The following PIGU variants were observed in gnomAD, a reference collection of about 807,000 sequenced individuals.
The protein encoded by PIGU is phosphatidylinositol glycan anchor biosynthesis class U.
Under a neutral mutation model 49.9 loss-of-function variants are expected in PIGU, and 24 were observed. That is an observed-to-expected ratio of 0.48 (90% CI 0.35 to 0.68). PIGU has a LOEUF of 0.68. Among genes scored for constraint, PIGU ranks in the 30% least tolerant of loss-of-function variants. PIGU has a pLI of 0.01. For synonymous variants in PIGU, 220 were observed against 205.7 expected, an observed-to-expected ratio of 1.07 and a Z score of -0.59; for missense variants, 490 against 532.6, an observed-to-expected ratio of 0.92 and a Z score of 0.79.
At chr20:34,616,561 C>T (rs934276346) in intron 6 of PIGU, among the ~76,000 whole-genome samples, 2 of 152,156 alleles carry the variant, frequency 1.3e-5, no homozygotes, top group African/African-American at 2.4e-5. Flanking sequence ...AACATTATCA[C>T]TCTTTACAAC....
intron 2 of PIGU, among the ~76,000 whole-genome samples, chr20:34,651,525 G>T (rs1002472350): frequency 8.0e-5 from 12 of 149,484 alleles, no homozygotes; most frequent in African/African-American, 2.0e-4. Context: ...AGCAGATGTG[G>T]TTTTTTTTTT....
At chr20:34,616,971 G>A (rs1014761756) in intron 6 of PIGU, among the ~76,000 whole-genome samples, 3 of 152,184 alleles carry the variant, frequency 2.0e-5, no homozygotes, top group Admixed American at 6.5e-5. Flanking sequence ...TTAGCCAGGC[G>A]TAGTGGTGGT....
At chr20:34,620,246 C>T (rs1384049739) in intron 6 of PIGU, among the ~76,000 whole-genome samples, 1 of 152,216 alleles carries the variant, frequency 6.6e-6, no homozygotes. Context: ...CTCTTCCACA[C>T]ACGCCCTGTC....
intron 2 of PIGU, among the ~76,000 whole-genome samples, chr20:34,652,893 T>C (rs1181074719): frequency 6.6e-6 from 1 of 152,170 alleles, no homozygotes; most frequent in African/African-American, 2.4e-5. Context: ...CTTGCAAATG[T>C]TCCGTGTACA....
At chr20:34,616,975 T>A (rs193024915) in intron 6 of PIGU, among the ~76,000 whole-genome samples, 1 of 152,266 alleles carries the variant, frequency 6.6e-6, no homozygotes, top group African/African-American at 2.4e-5. Flanking sequence ...CCAGGCGTAG[T>A]GGTGGTGACC....
chr20:34,602,823 T>C (rs1048537955), intron 7 of PIGU, among the ~76,000 whole-genome samples: 2 of 152,160 alleles, frequency 1.3e-5, no homozygotes, highest in African/African-American at 4.8e-5. Context: ...AGTTCCTCCA[T>C]GTTCCCTGAT....
intron 11 of PIGU, among the ~76,000 whole-genome samples, chr20:34,574,299 T>A (rs560592279): frequency 3.1e-4 from 47 of 152,334 alleles, no homozygotes; most frequent in African/African-American, 1.1e-3. Context: ...TATTCCACAT[T>A]GAATCAACAT....
chr20:34,603,126 G>A (rs1023080644), intron 7 of PIGU, among the ~76,000 whole-genome samples: 2 of 149,930 alleles, frequency 1.3e-5, no homozygotes, highest in Non-Finnish European at 3.0e-5. Flanking sequence ...TTCTAATTAT[G>A]TACCTTGTTT....
intron 1 of PIGU, among the ~76,000 whole-genome samples, chr20:34,671,187 G>T (rs1324393471): frequency 6.6e-6 from 1 of 152,158 alleles, no homozygotes; most frequent in Non-Finnish European, 1.5e-5. Flanking sequence ...TCAAATTAGT[G>T]CATTAACACA....
At chr20:34,608,106 G>A (rs1173361559) in intron 7 of PIGU, among the ~76,000 whole-genome samples, 1 of 125,384 alleles carries the variant, frequency 8.0e-6, no homozygotes, top group African/African-American at 3.1e-5. Flanking sequence ...CAAGAATCTT[G>A]CACTGTGGCC....
intron 7 of PIGU, among the ~76,000 whole-genome samples, chr20:34,612,725 C>G (rs1984866822): frequency 1.3e-5 from 2 of 151,264 alleles, no homozygotes; most frequent in South Asian, 4.2e-4. Flanking sequence ...CGGGTTCAAG[C>G]AATGTTCCTG....
rs947685061 is a variant in PIGU at position 34,603,906 on chromosome 20, A to G, written c.627+12136T>C. On this transcript the variant is annotated intron_variant, in intron 7 of 11. Transcript: ENST00000217446. ...CACACACACCACACCCCTACAGGGGACCAGGCAGGTAACAAACAAGTGAAG... is the reference window on the plus strand; with the variant it reads ...CACACACACCACACCCCTACAGGGGGCCAGGCAGGTAACAAACAAGTGAAG... Among the ~76,000 whole-genome samples, 5 of 148,370 alleles carry G rather than the reference A, an allele frequency of 3.4e-5. No individual in the cohort carries two copies. The South Asian group carries it at 6.3e-4, about 19-fold the overall frequency.
intron 9 of PIGU, among the ~76,000 whole-genome samples, chr20:34,584,632 C>A (rs904809685): frequency 1.8e-4 from 28 of 151,838 alleles, no homozygotes; most frequent in African/African-American, 6.8e-4. Flanking sequence ...GCCTCAGCCT[C>A]CCAAGCAGCT....
intron 6 of PIGU, among the ~76,000 whole-genome samples, chr20:34,620,815 A>C (rs1475981307): frequency 6.5e-5 from 9 of 137,984 alleles, no homozygotes; most frequent in African/African-American, 2.3e-4. Context: ...AAAACAAAAA[A>C]AAAACAAAAA....
Position 34,560,939 on chromosome 20 carries a change from C to A in PIGU, c.1235G>T (p.Arg412Leu). ...GAGGCCATGTGTGAGGTAGTACTCC[C>A]GCCGCAGGAAGGCATAGAAGTAATC... ...ISDYFYAFLR[R>L]EYYLTHGLYL... is the part of the protein sequence containing the mutation. Residue 412 changes from arginine (R) to leucine (L), a missense_variant, in exon 12 of 12, where the codon CGG becomes CTG. By Grantham distance (102) the Arg-to-Leu change is moderately radical (BLOSUM62 -2). Coordinates refer to ENST00000217446, the MANE Select transcript of PIGU (RefSeq NM_080476.5). The A allele has an allele frequency of 6.2e-7, 1 of 1,613,092 alleles. No individual in the cohort carries two copies. Among genetic ancestry groups the A allele is most frequent in the African/African-American group, 1.3e-5 (1 of 75,030 alleles).
intron 2 of PIGU, among the ~76,000 whole-genome samples, chr20:34,649,164 G>T (rs1171393489): frequency 6.6e-6 from 1 of 151,836 alleles, no homozygotes; most frequent in Admixed American, 6.6e-5. Context: ...ACCACGCCCG[G>T]TCTGTTTTAT....
intron 11 of PIGU, among the ~76,000 whole-genome samples, chr20:34,561,692 A>G (rs1982520286): frequency 6.6e-6 from 1 of 152,028 alleles, no homozygotes; most frequent in South Asian, 2.1e-4. Flanking sequence ...GCAAAGCTCG[A>G]ACTCCCTCGT....
chr20:34,667,734 G>A (rs1401017017), intron 1 of PIGU, among the ~76,000 whole-genome samples: 2 of 152,170 alleles, frequency 1.3e-5, no homozygotes, highest in Non-Finnish European at 2.9e-5. Flanking sequence ...AAACACCTGA[G>A]TAATGACTGT....
At chr20:34,582,320 C>T (rs1045532286) in intron 9 of PIGU, among the ~76,000 whole-genome samples, 1 of 152,204 alleles carries the variant, frequency 6.6e-6, no homozygotes, top group African/African-American at 2.4e-5. Flanking sequence ...TGAACTCCCT[C>T]TGTGTAAAGT....
Sources: allele counts gnomAD v4.1 joint callset (sites outside exome capture counted in the v4.1 genomes callset), GRCh38; gene constraint gnomAD v4.1.1; transcripts MANE v1.5; gene names NCBI Gene and HGNC (gene_info 2026-07-23, HGNC 2026-07-21).